The following PPFIA2 variants were observed in gnomAD, a reference collection of about 807,000 sequenced individuals.
PPFIA2 encodes liprin-alpha-2.
PPFIA2 carries 46 observed loss-of-function variants against 175.5 expected under a neutral mutation model. The observed-to-expected ratio is 0.26, with a 90% CI of 0.21 to 0.34. PPFIA2 has a LOEUF of 0.34. PPFIA2 is among the 10% of genes least tolerant of loss of function. The pLI is 1.00. For missense variants in PPFIA2, 1,179 were observed against 1,506.1 expected (o/e 0.78, Z 3.60); for synonymous variants, 568 against 511.4 (o/e 1.11, Z -1.49).
At chr12:81,404,247 T>G (rs2042543925) in intron 8 of PPFIA2, among the ~76,000 whole-genome samples, 1 of 152,198 alleles carries the variant, frequency 6.6e-6, no homozygotes, top group Non-Finnish European at 1.5e-5. Context: ...AAAGGTATAT[T>G]TCTTCATTTC....
chr12:81,666,631 G>C (rs745545842), intron 4 of PPFIA2, among the ~76,000 whole-genome samples: 31 of 152,064 alleles, frequency 2.0e-4, no homozygotes, highest in Non-Finnish European at 1.3e-4. Flanking sequence ...AGAGTGGGGA[G>C]GGATAGCATT....
chr12:81,305,200 C>A (rs1283780203), intron 22 of PPFIA2, among the ~76,000 whole-genome samples: 2 of 152,036 alleles, frequency 1.3e-5, no homozygotes, highest in African/African-American at 2.4e-5. Context: ...AAATTGATCT[C>A]AATTTATAAG....
intron 7 of PPFIA2, among the ~76,000 whole-genome samples, chr12:81,410,572 C>T (rs956154048): frequency 6.6e-6 from 1 of 152,006 alleles, no homozygotes. Context: ...TTTTAATGTT[C>T]AATCATCATT....
chr12:81,372,872 C>T (rs1242429437), intron 11 of PPFIA2, among the ~76,000 whole-genome samples: 1 of 151,436 alleles, frequency 6.6e-6, no homozygotes. Flanking sequence ...CAAAGAGGTT[C>T]AGGGACAGTA....
At chr12:81,394,929 CA>C (rs1281866232) in intron 8 of PPFIA2, among the ~76,000 whole-genome samples, 1 of 151,836 alleles carries the variant, frequency 6.6e-6, no homozygotes, top group Non-Finnish European at 1.5e-5. Context: ...AGCTATCTAC[CA>C]GTTACTATGA....
intron 7 of PPFIA2, among the ~76,000 whole-genome samples, chr12:81,426,585 T>C (rs2047177213): frequency 6.6e-6 from 1 of 152,162 alleles, no homozygotes; most frequent in Admixed American, 6.6e-5. Flanking sequence ...TGCTAGGAAG[T>C]TTTTTAAAAG....
At position 81,660,448 on chromosome 12, in the gene PPFIA2, C is replaced by T. The variant is rs531863678; in HGVS notation, c.303+16343G>A. Among the ~76,000 whole-genome samples the T allele has an allele frequency of 4.6e-5, 7 of 151,764 alleles. No individual in the cohort carries two copies. The East Asian group carries it at 5.8e-4, about 13-fold the overall frequency. The stretch of plus-strand genomic sequence containing the variant: ...GATCAACTGGAAGAAAGGGTATCAG[C>T]GATGGAAGATGAAATGAATGAAATG... On this transcript the variant is annotated intron_variant, in intron 4 of 32. Coordinates refer to ENST00000549396, the MANE Select transcript of PPFIA2 (RefSeq NM_003625.5).
chr12:81,558,830 C>T (rs12230030), intron 4 of PPFIA2, among the ~76,000 whole-genome samples: 40,892 of 151,886 alleles, frequency 0.27, 5,667 homozygotes, highest in Middle Eastern at 0.32. Flanking sequence ...ATATATGTTA[C>T]GAATATGTGT....
intron 4 of PPFIA2, among the ~76,000 whole-genome samples, chr12:81,499,149 C>T (rs930278959): frequency 2.7e-4 from 41 of 152,292 alleles, no homozygotes; most frequent in African/African-American, 9.6e-4. Flanking sequence ...ACTCATGGAG[C>T]ATCCTTTGCC....
At chr12:81,384,540 G>A (rs546680935) in intron 8 of PPFIA2, among the ~76,000 whole-genome samples, 1 of 151,860 alleles carries the variant, frequency 6.6e-6, no homozygotes, top group East Asian at 1.9e-4. Flanking sequence ...AAACATTTAA[G>A]TGTTAGCTAC....
intron 4 of PPFIA2, among the ~76,000 whole-genome samples, chr12:81,532,918 C>T (rs1594597374): frequency 2.0e-5 from 3 of 151,740 alleles, no homozygotes; most frequent in African/African-American, 7.3e-5. Flanking sequence ...AGAATAAAAT[C>T]CCCTTTATCT....
chr12:81,353,617 T>A (rs1420304278), intron 16 of PPFIA2, among the ~76,000 whole-genome samples: 2 of 152,176 alleles, frequency 1.3e-5, no homozygotes, highest in Non-Finnish European at 2.9e-5. Flanking sequence ...AGGTAACAAT[T>A]ACTTTAAAGC....
At chr12:81,394,702 C>T (rs1211098906) in intron 8 of PPFIA2, among the ~76,000 whole-genome samples, 1 of 151,464 alleles carries the variant, frequency 6.6e-6, no homozygotes, top group African/African-American at 2.4e-5. Context: ...ATACCTAATG[C>T]ATGTGGGGCT....
intron 24 of PPFIA2, among the ~76,000 whole-genome samples, chr12:81,289,531 G>T (rs1565935538): frequency 6.6e-6 from 1 of 151,826 alleles, no homozygotes; most frequent in Non-Finnish European, 1.5e-5. Flanking sequence ...GGCAAATCTT[G>T]AATGAAACAC....
chr12:81,429,455 C>T (rs999283181), intron 7 of PPFIA2, among the ~76,000 whole-genome samples: 4 of 151,964 alleles, frequency 2.6e-5, no homozygotes, highest in African/African-American at 4.8e-5. Context: ...ATAAACGATC[C>T]TATAACTTCA....
intron 7 of PPFIA2, among the ~76,000 whole-genome samples, chr12:81,439,483 GA>G (rs1439220196): frequency 6.6e-6 from 1 of 151,936 alleles, no homozygotes; most frequent in African/African-American, 2.4e-5. Context: ...AAAGATGATT[GA>G]AAAAACTTTT....
chr12:81,342,096 G>C (rs1446966376), intron 19 of PPFIA2, among the ~76,000 whole-genome samples: 1 of 151,974 alleles, frequency 6.6e-6, no homozygotes, highest in Non-Finnish European at 1.5e-5. Flanking sequence ...AAAACCAAAA[G>C]AAGATGAGAT....
At chr12:81,380,065 TA>T (rs2037294978) in intron 9 of PPFIA2, among the ~76,000 whole-genome samples, 1 of 152,210 alleles carries the variant, frequency 6.6e-6, no homozygotes, top group South Asian at 2.1e-4. Flanking sequence ...AAAACGAGCT[TA>T]TTTTTTTCTA....
chr12:81,670,657 T>C (rs2153562481), intron 4 of PPFIA2, among the ~76,000 whole-genome samples: 1 of 152,052 alleles, frequency 6.6e-6, no homozygotes, highest in East Asian at 1.9e-4. Flanking sequence ...TTGTTAGTCT[T>C]CCATTTAATC....
Sources: gnomAD v4.1 joint callset for allele counts (sites outside exome capture counted in the v4.1 genomes callset) on GRCh38, gnomAD v4.1.1 for gene constraint, MANE v1.5 for transcripts, NCBI Gene and HGNC (gene_info 2026-07-23, HGNC 2026-07-21) for gene names.